Variants in INTS2 observed in about 807,000 individuals in gnomAD.
INTS2 encodes integrator complex subunit 2.
In INTS2, 57 loss-of-function variants were observed where a neutral mutation model predicts 139.6. The observed-to-expected ratio is 0.41, with a 90% CI of 0.33 to 0.51. The LOEUF is 0.51. Ranked by LOEUF, INTS2 falls within the 20% of genes least tolerant of loss-of-function variation. INTS2 has a pLI of 0.28. For synonymous variants in INTS2, 473 were observed against 493.4 expected, an observed-to-expected ratio of 0.96 and a Z score of 0.55; for missense variants, 1,196 against 1,436.7, an observed-to-expected ratio of 0.83 and a Z score of 2.71.
intron 15 of INTS2, among the ~76,000 whole-genome samples, chr17:61,888,686 T>A (rs1157565733): frequency 6.6e-6 from 1 of 151,762 alleles, no homozygotes; most frequent in Non-Finnish European, 1.5e-5. Context: ...AGTACTGAGA[T>A]TACAGGGAAT....
At chr17:61,885,518 G>A (rs567068681) in intron 15 of INTS2, among the ~76,000 whole-genome samples, 3 of 150,992 alleles carry the variant, frequency 2.0e-5, no homozygotes, top group African/African-American at 7.3e-5. Flanking sequence ...GGGTTCAAGC[G>A]ATTCTCCCGC....
Position 61,904,173 on chromosome 17 carries a change from T to C in INTS2, c.1307+287A>G, listed in dbSNP as rs73334603. Among the ~76,000 whole-genome samples the C allele has an allele frequency of 3.8e-3, 575 of 152,284 alleles. 4 individuals are homozygous for C. The highest frequency in any genetic ancestry group is 0.013 in the African/African-American group (539 of 41,566). On this transcript the variant is annotated intron_variant, in intron 9 of 24. Transcript: ENST00000251334. ...ATACAAATAAGCTGGGCCAGTGGCA[T>C]ACACCTGCAGTCCCAGCTACTTGGG...
chr17:61,926,099 C>T (rs1603385402), intron 2 of INTS2, among the ~76,000 whole-genome samples: 1 of 152,252 alleles, frequency 6.6e-6, no homozygotes, highest in Admixed American at 6.5e-5. Flanking sequence ...ACCCTACCTA[C>T]TTCCCACTGA....
At chr17:61,908,224 G>C (rs564068964) in intron 7 of INTS2, among the ~76,000 whole-genome samples, 1 of 152,270 alleles carries the variant, frequency 6.6e-6, no homozygotes, top group Admixed American at 6.5e-5. Flanking sequence ...AGACCAGCCT[G>C]GCCAACATGG....
chr17:61,927,584 A>G, intron 1 of INTS2, 70 bp downstream of exon 1: 1 of 1,174,584 alleles, frequency 8.5e-7, no homozygotes. Flanking sequence ...CCTCAGGCTG[A>G]GCAAAGTCTG....
Position 61,872,284 on chromosome 17 carries a change from T to C in INTS2, c.2759A>G (p.Asn920Ser). 1 of 1,609,778 alleles carries C rather than the reference T, an allele frequency of 6.2e-7. No individual in the cohort carries two copies. The highest frequency in any genetic ancestry group is 8.5e-7 in the Non-Finnish European group (1 of 1,177,442). Residue 920 changes from asparagine to serine, a missense_variant, in exon 20 of 25, where the codon AAT becomes AGT. By Grantham distance (46) the Asn-to-Ser change is conservative (BLOSUM62 1). Around this residue, in one of 3 missense-constraint regions of INTS2, gnomAD observed 1,129 missense variants for 1,341.9 expected, o/e 0.84. Transcript: ENST00000251334. The surrounding 1 kb of genome is among the most constrained non-coding windows in gnomAD (Gnocchi z 4.8). ...APEVTREELK[N>S]ALLAAQDSAA... The stretch of plus-strand genomic sequence containing the variant: ...ATTTACCTGAGCGGCCAGTAATGCA[T>C]TTTTCAATTCTTCCCTGGTAACTTC...
Position 61,919,465 on chromosome 17 carries a change from T to C in INTS2, c.584A>G (p.His195Arg), listed in dbSNP as rs373636658. 33 of 1,602,794 alleles carry C rather than the reference T, an allele frequency of 2.1e-5. No individual in the cohort carries two copies. Among genetic ancestry groups the C allele is most frequent in the Middle Eastern group, 1.6e-4 (1 of 6,070 alleles). Reference sequence around the variant, plus strand: ...CAAGAACCAGGCACCATTTCTAACATGTAGCAAAGCTTCAGCTACATCAAC... The same window carrying C: ...CAAGAACCAGGCACCATTTCTAACACGTAGCAAAGCTTCAGCTACATCAAC... ...PIVDVAEALL[H>R]VRNGAWFLCL... Residue 195 changes from histidine to arginine, a missense_variant, in exon 5 of 25, where the codon CAT (histidine) becomes CGT (arginine). By Grantham distance (29) the His-to-Arg change is conservative. Transcript: ENST00000251334.
Position 61,927,830 on chromosome 17 carries a change from C to T in INTS2, c.-195G>A. 2 of 1,612,456 alleles carry T rather than the reference C, an allele frequency of 1.2e-6. No individual in the cohort carries two copies. The highest frequency in any genetic ancestry group is 1.7e-6 in the Non-Finnish European group (2 of 1,179,038). On this transcript the variant is annotated 5_prime_UTR_variant, in exon 1 of 25. Transcript: ENST00000251334. ...CCAAGAACTCAGACGCCGGGACCAACCGGGTTGTCGATACAAAGTGGGAAG... is the reference window on the plus strand; with the variant it reads ...CCAAGAACTCAGACGCCGGGACCAATCGGGTTGTCGATACAAAGTGGGAAG...
At chr17:61,896,523 T>C (rs1007962158) in intron 11 of INTS2, among the ~76,000 whole-genome samples, 4 of 152,106 alleles carry the variant, frequency 2.6e-5, no homozygotes, top group East Asian at 1.9e-4. Flanking sequence ...TCTTGAAATA[T>C]ATGAAGTAAG....
At chr17:61,892,999 T>C (rs1372358377) in intron 13 of INTS2, among the ~76,000 whole-genome samples, 1 of 147,608 alleles carries the variant, frequency 6.8e-6, no homozygotes, top group Non-Finnish European at 1.5e-5. Flanking sequence ...GGCTCGCACC[T>C]GTAGTTCCAG....
chr17:61,870,748 T>G lies in INTS2; in HGVS notation c.2779-760A>C, dbSNP rs994849080. Among the ~76,000 whole-genome samples the G allele has an allele frequency of 2.0e-5, 3 of 152,222 alleles. No individual in the cohort carries two copies. The highest frequency in any genetic ancestry group is 1.3e-4 in the Admixed American group (2 of 15,278). ...AACTTATTATAAAGTGAGGTTAGAC[T>G]ACTTTATAATCATGGTTCTTGGGGA... On this transcript the variant is annotated intron_variant, in intron 20 of 24. Coordinates refer to ENST00000251334, the MANE Select transcript of INTS2 (RefSeq NM_001351695.2). This position sits in a 1 kb window ranked among gnomAD's most constrained non-coding sequence, Gnocchi z 4.4.
chr17:61,883,048 C>A (rs925560052), intron 16 of INTS2, among the ~76,000 whole-genome samples: 3 of 152,150 alleles, frequency 2.0e-5, no homozygotes, highest in Non-Finnish European at 4.4e-5. Context: ...ATTACTTTAA[C>A]ATTTAAACTT....
chr17:61,899,418 T>C (rs1206205467), intron 9 of INTS2, among the ~76,000 whole-genome samples: 3 of 151,934 alleles, frequency 2.0e-5, no homozygotes, highest in African/African-American at 7.2e-5. Flanking sequence ...ACCCAGCTAA[T>C]TTTTTATATT....
chr17:61,900,475 G>A (rs553653550), intron 9 of INTS2, among the ~76,000 whole-genome samples: 22 of 152,112 alleles, frequency 1.4e-4, no homozygotes, highest in Non-Finnish European at 2.5e-4. Context: ...TTAAGTAAAC[G>A]ATTATACTGC....
Position 61,926,528 on chromosome 17 carries a change from G to T in INTS2, c.117C>A (p.Pro39=). The T allele has an allele frequency of 6.2e-7, 1 of 1,613,844 alleles. No individual in the cohort carries two copies. The highest frequency in any genetic ancestry group is 8.5e-7 in the Non-Finnish European group (1 of 1,179,790). The change falls in exon 2 of 25, where the codon CCC becomes CCA. Residue 39 remains proline, a synonymous_variant. Transcript: ENST00000251334. ...CACAAAGTGCCATCCGTACCAAACAGGGCAGAAGAAGTCTTAATTCTGGAT... is the reference window on the plus strand; with the variant it reads ...CACAAAGTGCCATCCGTACCAAACATGGCAGAAGAAGTCTTAATTCTGGAT... The part of the protein sequence containing the change: ...LSDPELRLLL[P]CLVRMALCAP...
At chr17:61,888,398 C>CATGTA (rs1385884644) in intron 15 of INTS2, among the ~76,000 whole-genome samples, 1 of 152,034 alleles carries the variant, frequency 6.6e-6, no homozygotes, top group Non-Finnish European at 1.5e-5. Context: ...GAACTATACA[C>CATGTA]ATGTAGGAAG....
intron 11 of INTS2, 107 bp from the exon 12 acceptor site, chr17:61,895,490 T>C: frequency 1.6e-6 from 1 of 607,412 alleles, no homozygotes; most frequent in Non-Finnish European, 2.8e-6. Context: ...GTTCAAATGT[T>C]CAAGTACTCT....
Position 61,866,760 on chromosome 17 carries a change from A to T in INTS2, c.*797T>A, listed in dbSNP as rs1464248510. The T allele has an allele frequency of 6.6e-6, 1 of 152,232 alleles. No homozygotes were observed. Among genetic ancestry groups the T allele is most frequent in the African/African-American group, 2.4e-5 (1 of 41,470 alleles). The allele number at this position is 152,232 out of a possible 1,614,324, so 9.4% of individuals were successfully genotyped here. On this transcript the variant is annotated 3_prime_UTR_variant, in exon 25 of 25. Coordinates refer to ENST00000251334, the MANE Select transcript of INTS2 (RefSeq NM_001351695.2). ...GCATTAGGTAAGTTAATAAAGCATT[A>T]TAAAAATAAATTTAAAACATAAAAC...
chr17:61,869,436 G>T lies in INTS2; in HGVS notation c.3031-56C>A. On this transcript the variant is annotated intron_variant, in intron 21 of 24. Transcript: ENST00000251334. The surrounding 1 kb of genome is among the most constrained non-coding windows in gnomAD (Gnocchi z 5.4). ...GAAATAAAATAACTATAAAAGTACA[G>T]ATAAAAATACAAATGAAAGATTTCA... 8.3e-7 allele frequency: 1 copy of T among 1,204,254 alleles called. No homozygotes were observed. The highest frequency in any genetic ancestry group is 1.4e-5 in the South Asian group (1 of 72,796). The allele number at this position is 1,204,254 out of a possible 1,614,324, so 74.6% of individuals were successfully genotyped here.
Sources: allele counts gnomAD v4.1 joint callset (sites outside exome capture counted in the v4.1 genomes callset), GRCh38; gene constraint gnomAD v4.1.1; regional missense constraint gnomAD v4.1.1; non-coding constraint Gnocchi (gnomAD v3.1); transcripts MANE v1.5; gene names NCBI Gene and HGNC (gene_info 2026-07-23, HGNC 2026-07-21).